Variants in SRGAP3 observed in about 807,000 individuals in gnomAD.
SRGAP3 encodes SLIT-ROBO Rho GTPase-activating protein 3.
A neutral mutation model predicts 121.1 loss-of-function variants in SRGAP3; 39 were observed. That is an observed-to-expected ratio of 0.32 (90% CI 0.25 to 0.42). The LOEUF is 0.42. Among genes scored for constraint, SRGAP3 ranks in the 10% least tolerant of loss-of-function variants. The probability of loss-of-function intolerance (pLI) is 1.00; values close to 1 mark genes in which losing one functional copy is unlikely to be tolerated. For missense variants in SRGAP3, 1,213 were observed against 1,470.6 expected (o/e 0.82, Z 2.86); for synonymous variants, 601 against 570.0 (o/e 1.05, Z -0.77).
chr3:9,154,335 G>T (rs767083472), intron 1 of SRGAP3, among the ~76,000 whole-genome samples: 1 of 151,972 alleles, frequency 6.6e-6, no homozygotes. Flanking sequence ...GCTAAACAAC[G>T]TAACTCAAAA....
chr3:9,263,905 G>C (rs1574954602), intron 3 of SRGAP3, among the ~76,000 whole-genome samples: 1 of 152,150 alleles, frequency 6.6e-6, no homozygotes, highest in African/African-American at 2.4e-5. Flanking sequence ...AAACCTGGCA[G>C]AGACACAACA....
chr3:9,327,199 C>A (rs1955534743), intron 2 of SRGAP3, among the ~76,000 whole-genome samples: 1 of 151,780 alleles, frequency 6.6e-6, no homozygotes, highest in African/African-American at 2.4e-5. Flanking sequence ...TAACCCTTTA[C>A]AATTTTTTTC....
intron 8 of SRGAP3, 70 bp downstream of exon 8, chr3:9,056,163 C>T (rs773091692): frequency 2.1e-6 from 3 of 1,451,596 alleles, no homozygotes; most frequent in Non-Finnish European, 2.9e-6. Flanking sequence ...CTTCGTGGCA[C>T]AAGTGGACTC....
chr3:9,107,968 A>T (rs1271174121), intron 2 of SRGAP3, among the ~76,000 whole-genome samples: 1 of 152,220 alleles, frequency 6.6e-6, no homozygotes, highest in Non-Finnish European at 1.5e-5. Context: ...AATGGTCAGA[A>T]GTCAGAGAGA....
At position 9,058,237 on chromosome 3, in the gene SRGAP3, A is replaced by C; in HGVS notation, c.1023+14T>G. On this transcript the variant is annotated intron_variant, in intron 7 of 21. Transcript: ENST00000383836. ...GGAAGCAGCCCCAAGCCCGGGCTCC[A>C]GGAGGAAGCCTACCTCATCCCCCAT... 6.2e-7 allele frequency: 1 copy of C among 1,613,556 alleles called. No homozygotes were observed. Among genetic ancestry groups the C allele is most frequent in the Non-Finnish European group, 8.5e-7 (1 of 1,179,706 alleles).
chr3:9,032,956 G>A (rs1337324798), intron 11 of SRGAP3, among the ~76,000 whole-genome samples: 1 of 152,044 alleles, frequency 6.6e-6, no homozygotes, highest in Non-Finnish European at 1.5e-5. Flanking sequence ...ACAATGCCAA[G>A]CAGGAGCAAC....
intron 12 of SRGAP3, among the ~76,000 whole-genome samples, chr3:9,030,130 C>T (rs185822673): frequency 5.9e-5 from 9 of 151,906 alleles, no homozygotes; most frequent in South Asian, 2.1e-4. Flanking sequence ...CCAGCCTGGG[C>T]GACACAGCAA....
intron 1 of SRGAP3, chr3:9,348,558 A>C: frequency 1.3e-6 from 1 of 788,260 alleles, no homozygotes; most frequent in Non-Finnish European, 2.3e-6. Context: ...AAGGAGGCGA[A>C]GTGTGGCAGG....
At chr3:9,301,915 G>A (rs748605864) in intron 3 of SRGAP3, among the ~76,000 whole-genome samples, 22 of 152,238 alleles carry the variant, frequency 1.4e-4, no homozygotes, top group Non-Finnish European at 2.4e-4. Flanking sequence ...ATAAACGGCA[G>A]TTGTTACTCT....
intron 2 of SRGAP3, among the ~76,000 whole-genome samples, chr3:9,121,277 C>A (rs1575104725): frequency 6.6e-6 from 1 of 152,218 alleles, no homozygotes; most frequent in African/African-American, 2.4e-5. Flanking sequence ...CCTTAAGGCA[C>A]TGAGGGGCTA....
At chr3:9,199,317 A>G (rs1388338839) in intron 1 of SRGAP3, among the ~76,000 whole-genome samples, 1 of 152,212 alleles carries the variant, frequency 6.6e-6, no homozygotes, top group Admixed American at 6.5e-5. Flanking sequence ...CATAAATGCA[A>G]ATGTGTACCG....
rs113613453 is a variant in SRGAP3, at chr3:9,144,380, G to T, written c.68-19463C>A. Among the ~76,000 whole-genome samples the T allele has an allele frequency of 2.6e-3, 390 of 152,232 alleles. 3 individuals are homozygous for T. The highest frequency in any genetic ancestry group is 8.6e-3 in the African/African-American group (356 of 41,532). On this transcript the variant is annotated intron_variant, in intron 1 of 21. Transcript: ENST00000383836. ...ATACCAAGTTCTTTTCTGCCTCAGG[G>T]CCTTTGTACTGATGCAGATTCCTCT...
rs561367307 is a variant in SRGAP3, at chr3:9,071,643, G to C, written c.487-7062C>G. On this transcript the variant is annotated intron_variant, in intron 4 of 21. Coordinates refer to ENST00000383836, the MANE Select transcript of SRGAP3 (RefSeq NM_014850.4). ...GGAGAGAGACTGATTCTCAAAGGTG[G>C]ATGGATGGATGGATGGATGGATGGA... 1.6e-3 allele frequency among the ~76,000 whole-genome samples: 38 copies of C among 23,968 alleles called. No individual in the cohort carries two copies. The East Asian group carries it at 0.028, about 18-fold the overall frequency. The allele number at this position is 23,968 out of a possible 152,430, so 15.7% of individuals were successfully genotyped here.
At chr3:9,287,617 G>A (rs971262147) in intron 3 of SRGAP3, among the ~76,000 whole-genome samples, 4 of 152,204 alleles carry the variant, frequency 2.6e-5, no homozygotes, top group African/African-American at 9.6e-5. Flanking sequence ...GCAGGAGGGT[G>A]AGGTGCAGTA....
In SRGAP3 at chr3:9,038,687, G is replaced by A. The variant is rs1312598041; in HGVS notation, c.1409-597C>T. Reference sequence around the variant, plus strand: ...TGGAAAAGAAAATCAAGTACTATGGGTTCTCCATGTGCATGCCTCCACGAG... The same window carrying A: ...TGGAAAAGAAAATCAAGTACTATGGATTCTCCATGTGCATGCCTCCACGAG... On this transcript the variant is annotated intron_variant, in intron 10 of 21. Transcript: ENST00000383836. Among the ~76,000 whole-genome samples the A allele has an allele frequency of 4.3e-4, 66 of 152,168 alleles. 1 individual carries two copies. Among genetic ancestry groups the A allele is most frequent in the Admixed American group, 4.3e-3 (65 of 15,286 alleles).
intron 13 of SRGAP3, among the ~76,000 whole-genome samples, chr3:9,025,898 C>T (rs1446871140): frequency 6.6e-6 from 1 of 152,176 alleles, no homozygotes; most frequent in Non-Finnish European, 1.5e-5. Context: ...AAACAATTTT[C>T]CACATTATAA....
chr3:9,069,684 C>A (rs1053510735), intron 4 of SRGAP3, among the ~76,000 whole-genome samples: 1 of 152,326 alleles, frequency 6.6e-6, no homozygotes, highest in East Asian at 1.9e-4. Context: ...CGCGGTGGCT[C>A]ATGCCTGTAA....
In SRGAP3 at chr3:9,265,505, A is replaced by G. The variant is rs571212068; in HGVS notation, n.442+60505T>C. 9.8e-5 allele frequency among the ~76,000 whole-genome samples: 15 copies of G among 152,292 alleles called. 1 individual carries two copies. In the South Asian group the frequency reaches 2.3e-3, roughly 23 times the overall value. ...CAAAGGGCTAATATCCAGAATCTAC[A>G]AGGAACTTAAGCAAATTTACAAGAA... On this transcript the variant is annotated intron_variant and non_coding_transcript_variant, in intron 3 of 3. Coordinates refer to the SRGAP3 transcript ENST00000490889.
At chr3:9,298,052 T>C (rs572580886) in intron 3 of SRGAP3, among the ~76,000 whole-genome samples, 5 of 152,346 alleles carry the variant, frequency 3.3e-5, no homozygotes, top group Admixed American at 6.5e-5. Flanking sequence ...CTTGGACTTT[T>C]AGCATCCAGA....
Sources: allele counts gnomAD v4.1 joint callset (sites outside exome capture counted in the v4.1 genomes callset), GRCh38; gene constraint gnomAD v4.1.1; transcripts MANE v1.5; gene names NCBI Gene and HGNC (gene_info 2026-07-23, HGNC 2026-07-21).